CACNA2D3: variants seen among roughly 807,000 people sequenced by gnomAD.
The protein encoded by CACNA2D3 is calcium voltage-gated channel auxiliary subunit alpha2delta 3.
CACNA2D3 carries 60 observed loss-of-function variants against 160.6 expected under a neutral mutation model. The ratio of observed to expected loss-of-function variants is 0.37; its 90% CI spans 0.30 to 0.46. The LOEUF (loss-of-function observed/expected upper bound fraction) is 0.46. Ranked by LOEUF, CACNA2D3 falls within the 20% of genes least tolerant of loss-of-function variation. The pLI is 1.00. For missense variants in CACNA2D3, 1,205 were observed against 1,365.0 expected, an observed-to-expected ratio of 0.88 and a Z score of 1.85; for synonymous variants, 558 against 492.9, an observed-to-expected ratio of 1.13 and a Z score of -1.75.
rs189155737 is a variant in CACNA2D3, at chr3:54,443,466, A to G, written c.381+56692A>G. Among the ~76,000 whole-genome samples the G allele has an allele frequency of 3.0e-4, 46 of 152,254 alleles. No homozygotes were observed. The East Asian group carries it at 8.5e-3, about 28-fold the overall frequency. ...CTGTATATTTGGATCCCCATGTAAA[A>G]TTGCTCCTTGTCCATAGCTGTTAAT... is the stretch of plus-strand genomic sequence containing the variant. On this transcript the variant is annotated intron_variant, in intron 4 of 37. Coordinates refer to ENST00000474759, the MANE Select transcript of CACNA2D3 (RefSeq NM_018398.3).
At chr3:55,049,258 C>G (rs1016267995) in intron 35 of CACNA2D3, among the ~76,000 whole-genome samples, 1 of 148,468 alleles carries the variant, frequency 6.7e-6, no homozygotes, top group Non-Finnish European at 1.5e-5. Context: ...AAATTTCCCT[C>G]TACACACTGC....
intron 4 of CACNA2D3, among the ~76,000 whole-genome samples, chr3:54,494,523 C>T (rs1213508812): frequency 6.6e-6 from 1 of 152,152 alleles, no homozygotes; most frequent in Admixed American, 6.5e-5. Flanking sequence ...TGTCCTTTGT[C>T]AAGCAGGCTG....
chr3:54,392,900 C>T (rs558244845), intron 4 of CACNA2D3, among the ~76,000 whole-genome samples: 128 of 152,296 alleles, frequency 8.4e-4, no homozygotes, highest in African/African-American at 3.0e-3. Flanking sequence ...AAAGGATTAG[C>T]AAGGACAGTG....
intron 3 of CACNA2D3, among the ~76,000 whole-genome samples, chr3:54,356,794 C>T (rs1357920371): frequency 6.6e-6 from 1 of 152,146 alleles, no homozygotes; most frequent in Non-Finnish European, 1.5e-5. Context: ...TTGCATTCCT[C>T]CATCATCAGT....
intron 11 of CACNA2D3, among the ~76,000 whole-genome samples, chr3:54,644,478 C>A (rs1230077279): frequency 6.6e-6 from 1 of 152,168 alleles, no homozygotes; most frequent in Non-Finnish European, 1.5e-5. Flanking sequence ...CGCATAAAAA[C>A]CGAATACGAT....
Position 54,560,956 on chromosome 3 carries a change from C to T in CACNA2D3, c.545-1844C>T, listed in dbSNP as rs535347426. Among the ~76,000 whole-genome samples the T allele has an allele frequency of 2.0e-5, 3 of 152,300 alleles. No homozygotes were observed. In the South Asian group the frequency reaches 6.2e-4, roughly 32 times the overall value. On this transcript the variant is annotated intron_variant, in intron 5 of 37. Coordinates refer to ENST00000474759, the MANE Select transcript of CACNA2D3 (RefSeq NM_018398.3). ...CTATGTATCTGTTCTCATACCAGTA[C>T]CACTGCTGTTTTGGTTACTGTAGCC...
intron 4 of CACNA2D3, among the ~76,000 whole-genome samples, chr3:54,410,839 A>C (rs1699655962): frequency 6.6e-6 from 1 of 152,218 alleles, no homozygotes; most frequent in African/African-American, 2.4e-5. Context: ...GCCACCATAA[A>C]TAGTGATCCG....
At chr3:54,231,285 A>C (rs1701766003) in intron 2 of CACNA2D3, among the ~76,000 whole-genome samples, 1 of 152,202 alleles carries the variant, frequency 6.6e-6, no homozygotes, top group South Asian at 2.1e-4. Context: ...GTTCTTAAGC[A>C]GGAGTTACAA....
intron 27 of CACNA2D3, among the ~76,000 whole-genome samples, chr3:54,925,966 T>A (rs1259290058): frequency 6.6e-6 from 1 of 152,254 alleles, no homozygotes; most frequent in Non-Finnish European, 1.5e-5. Flanking sequence ...AATAGTATAA[T>A]AAATACCCAT....
At chr3:54,459,723 G>A (rs952789055) in intron 4 of CACNA2D3, among the ~76,000 whole-genome samples, 4 of 151,980 alleles carry the variant, frequency 2.6e-5, no homozygotes, top group Admixed American at 2.6e-4. Context: ...TTTGTAGGTT[G>A]CCTGTTCACT....
At chr3:54,762,571 A>G (rs535287076) in intron 12 of CACNA2D3, among the ~76,000 whole-genome samples, 1 of 152,310 alleles carries the variant, frequency 6.6e-6, no homozygotes, top group Non-Finnish European at 1.5e-5. Context: ...GCTAAACACA[A>G]AGGAAACCTT....
At chr3:54,249,662 T>TACACACACACAC (rs10656572) in intron 2 of CACNA2D3, among the ~76,000 whole-genome samples, 129 of 132,916 alleles carry the variant, frequency 9.7e-4, no homozygotes, top group Non-Finnish European at 9.9e-4. Flanking sequence ...TCTGTTTACG[T>TACACACACACAC]ACACACACAC....
chr3:54,125,795 G>T (rs1338135158), intron 2 of CACNA2D3, among the ~76,000 whole-genome samples: 1 of 152,224 alleles, frequency 6.6e-6, no homozygotes, highest in Non-Finnish European at 1.5e-5. Flanking sequence ...AGTGCTCAGA[G>T]TGTAGGAGAC....
intron 11 of CACNA2D3, among the ~76,000 whole-genome samples, chr3:54,688,802 A>G (rs1178842270): frequency 6.6e-6 from 1 of 151,538 alleles, no homozygotes; most frequent in African/African-American, 2.4e-5. Flanking sequence ...GGGGTTCAAG[A>G]CCAGCCTGAG....
chr3:54,203,176 C>T (rs1429122921), intron 2 of CACNA2D3, among the ~76,000 whole-genome samples: 2 of 152,180 alleles, frequency 1.3e-5, no homozygotes, highest in Non-Finnish European at 2.9e-5. Flanking sequence ...ATGGCTCTCC[C>T]CAATGTGGGT....
At chr3:54,411,069 C>T (rs28805914) in intron 4 of CACNA2D3, among the ~76,000 whole-genome samples, 3,549 of 152,166 alleles carry the variant, frequency 0.023, 59 homozygotes, top group South Asian at 0.055. Flanking sequence ...GAATTAGAAA[C>T]GGAACCTGAA....
At chr3:54,610,934 AT>A (rs929689927) in intron 9 of CACNA2D3, among the ~76,000 whole-genome samples, 2 of 151,566 alleles carry the variant, frequency 1.3e-5, no homozygotes, top group Non-Finnish European at 2.9e-5. Flanking sequence ...CTGCCTGGAC[AT>A]TTTTTTTCAA....
chr3:55,012,367 G>T (rs1425194873), intron 34 of CACNA2D3, among the ~76,000 whole-genome samples: 2 of 152,108 alleles, frequency 1.3e-5, no homozygotes, highest in Non-Finnish European at 2.9e-5. Flanking sequence ...AAGGCAGCAG[G>T]CTTGTTGTTT....
chr3:54,305,460 G>A (rs954544470), intron 2 of CACNA2D3, among the ~76,000 whole-genome samples: 6 of 152,200 alleles, frequency 3.9e-5, no homozygotes, highest in Non-Finnish European at 8.8e-5. Context: ...TTAGAGAACA[G>A]AACTGTCTAG....
Sources: allele counts gnomAD v4.1 joint callset (sites outside exome capture counted in the v4.1 genomes callset), GRCh38; gene constraint gnomAD v4.1.1; transcripts MANE v1.5; gene names NCBI Gene and HGNC (gene_info 2026-07-23, HGNC 2026-07-21).